Variants in POM121 observed in about 807,000 individuals in gnomAD.
POM121 encodes the protein POM121 transmembrane nucleoporin.
POM121 carries 32 observed loss-of-function variants against 81.3 expected under a neutral mutation model. The observed-to-expected ratio is 0.39, with a 90% CI of 0.30 to 0.53. The LOEUF (loss-of-function observed/expected upper bound fraction) is 0.53, where lower values mean the gene tolerates loss of function less well. POM121 is among the 20% of genes least tolerant of loss of function. The pLI is 0.66. For missense variants in POM121, 1,138 were observed against 1,614.6 expected, an observed-to-expected ratio of 0.70 and a Z score of 5.06; for synonymous variants, 514 against 694.2, an observed-to-expected ratio of 0.74 and a Z score of 4.08.
Position 72,946,195 on chromosome 7 carries a change from G to A in POM121, c.3711G>A (p.Gln1237=). The part of the protein sequence containing the change: ...GAGSKTPGAR[Q]RLQARRQHTR... The stretch of plus-strand genomic sequence containing the variant: ...GATCCAAGACCCCAGGGGCTCGACA[G>A]CGACTGCAGGCCCGAAGGCAGCACA... The change falls in exon 13 of 13, where the codon CAG becomes CAA. Residue 1237 remains glutamine, a synonymous_variant. Transcript: ENST00000434423. The A allele has an allele frequency of 6.2e-7, 1 of 1,611,798 alleles. No individual in the cohort carries two copies. The highest frequency in any genetic ancestry group is 1.1e-5 in the South Asian group (1 of 90,982).
intron 5 of POM121, among the ~76,000 whole-genome samples, chr7:72,934,743 T>C (rs1464612596): frequency 6.6e-6 from 1 of 152,240 alleles, no homozygotes; most frequent in African/African-American, 2.4e-5. Flanking sequence ...TGTTTTTTAC[T>C]GTAGAAATAC....
intron 5 of POM121, among the ~76,000 whole-genome samples, chr7:72,933,068 C>G (rs1554498866): frequency 6.8e-6 from 1 of 147,814 alleles, no homozygotes; most frequent in East Asian, 2.0e-4. Flanking sequence ...AAAAAAAAAG[C>G]CAGCCGAGCT....
chr7:72,895,656 A>G (rs1469580635), intron 3 of POM121, among the ~76,000 whole-genome samples: 3 of 152,162 alleles, frequency 2.0e-5, no homozygotes, highest in African/African-American at 7.2e-5. Flanking sequence ...GCAGTGGCTC[A>G]CACCTGTAAT....
At chr7:72,937,204 G>C (rs1426500929) in intron 5 of POM121, among the ~76,000 whole-genome samples, 1 of 151,166 alleles carries the variant, frequency 6.6e-6, no homozygotes, top group Non-Finnish European at 1.5e-5. Context: ...GCAGTGAGCT[G>C]AGATCGCGCC....
intron 5 of POM121, among the ~76,000 whole-genome samples, chr7:72,934,290 G>T (rs1368395252): frequency 6.6e-6 from 1 of 151,938 alleles, no homozygotes; most frequent in Non-Finnish European, 1.5e-5. Context: ...TCACCATGTT[G>T]GCTAGGATGG....
Position 72,898,979 on chromosome 7 carries a change from CTTTTTTTTTTTTTT to C in POM121, c.-216+7882_-216+7895del, listed in dbSNP as rs1176371162. Among the ~76,000 whole-genome samples, 302 of 34,150 alleles carry C rather than the reference CTTTTTTTTTTTTTT, an allele frequency of 8.8e-3. 3 individuals carry two copies. The highest frequency in any genetic ancestry group is 0.037 in the African/African-American group (283 of 7,596). The allele number at this position is 34,150 out of a possible 152,430, so 22.4% of individuals were successfully genotyped here. A position where few individuals can be genotyped will look rare whatever the true frequency, so the allele number is the denominator to read the frequency against. ...TCTGTGTTTCTTTTTCTTTTCTTTT[CTTTTTTTTTTTTTT>C]TTTTTTTTTTTTAGACAGAGTCTCT... On this transcript the variant is annotated intron_variant, in intron 3 of 15. Coordinates refer to the POM121 transcript ENST00000395270.
chr7:72,928,349 A>G (rs371298211), intron 3 of POM121, 36 bp from the exon 4 acceptor site: 14 of 1,613,330 alleles, frequency 8.7e-6, no homozygotes, highest in Non-Finnish European at 1.2e-5. Context: ...AAAAAAAGTC[A>G]TGTCATTTCA....
chr7:72,938,107 C>T (rs150548658), intron 5 of POM121, among the ~76,000 whole-genome samples: 1,535 of 152,296 alleles, frequency 0.01, 15 homozygotes, highest in African/African-American at 0.035. Context: ...TCCATCCCTT[C>T]TACCTTTATT....
At chr7:72,925,041 A>G (rs782675310), upstream of POM121, 26 of 1,341,994 alleles carry the variant, frequency 1.9e-5, no homozygotes, top group South Asian at 3.4e-4. Flanking sequence ...CGCGCGCATG[A>G]CGTAGAGGGC....
intron 3 of POM121, among the ~76,000 whole-genome samples, chr7:72,911,183 C>A (rs1793767419): frequency 6.6e-6 from 1 of 152,162 alleles, no homozygotes; most frequent in African/African-American, 2.4e-5. Context: ...GGAGTTTCAC[C>A]ATTTTGGCCA....
At chr7:72,895,906 C>CA (rs1247732055) in intron 3 of POM121, among the ~76,000 whole-genome samples, 24 of 148,258 alleles carry the variant, frequency 1.6e-4, no homozygotes, top group Non-Finnish European at 1.0e-4. Context: ...AAGACTGTCT[C>CA]AAAATGAATA....
intron 1 of POM121, among the ~76,000 whole-genome samples, chr7:72,881,168 G>T (rs1554489241): frequency 6.6e-6 from 1 of 151,214 alleles, no homozygotes; most frequent in East Asian, 1.9e-4. Context: ...AGGTTCAAAG[G>T]ATTCTTGTGC....
intron 3 of POM121, among the ~76,000 whole-genome samples, chr7:72,908,913 G>A (rs1169056271): frequency 2.0e-5 from 3 of 152,046 alleles, no homozygotes; most frequent in African/African-American, 4.8e-5. Flanking sequence ...TGCAGTTAAC[G>A]TAATCATCAC....
intron 3 of POM121, among the ~76,000 whole-genome samples, chr7:72,898,098 G>A (rs1469727316): frequency 2.0e-5 from 3 of 152,198 alleles, no homozygotes; most frequent in Non-Finnish European, 4.4e-5. Context: ...AGGAGTCAAG[G>A]ATGACTCCAG....
intron 3 of POM121, among the ~76,000 whole-genome samples, chr7:72,927,684 G>A (rs1184437201): frequency 4.6e-5 from 7 of 151,732 alleles, no homozygotes; most frequent in Non-Finnish European, 1.0e-4. Context: ...CTCCAGCCTG[G>A]GTGACAAAGC....
intron 4 of POM121, among the ~76,000 whole-genome samples, chr7:72,919,638 A>G (rs1233909032): frequency 1.3e-5 from 2 of 151,976 alleles, no homozygotes; most frequent in African/African-American, 4.8e-5. Flanking sequence ...GTGTGCCACT[A>G]TGCTTGGCTA....
At chr7:72,919,955 C>T (rs1447833254) in intron 4 of POM121, among the ~76,000 whole-genome samples, 1 of 152,090 alleles carries the variant, frequency 6.6e-6, no homozygotes, top group Non-Finnish European at 1.5e-5. Flanking sequence ...ACTGTTTTCC[C>T]AGCTGCCTTC....
In POM121 at chr7:72,928,435, C is replaced by T. The variant is rs1480829139; in HGVS notation, c.1073C>T (p.Ala358Val). 1 of 1,614,236 alleles carries T rather than the reference C, an allele frequency of 6.2e-7. No homozygotes were observed. Among genetic ancestry groups the T allele is most frequent in the Admixed American group, 1.7e-5 (1 of 60,028 alleles). Residue 358 changes from alanine (A) to valine (V), a missense_variant, in exon 4 of 13, where the codon GCC becomes GTC. Around this residue, in one of 7 missense-constraint regions of POM121, gnomAD observed 646 missense variants for 633.5 expected, o/e 1.02. Coordinates refer to ENST00000434423, the MANE Select transcript of POM121 (RefSeq NM_001387691.1). ...CATTCAGCATTTGAGCCCCTGGTGG[C>T]CAATGGAGTCCCCGCTTCTTTTGTG... is the stretch of plus-strand genomic sequence containing the variant. ...SGHSAFEPLV[A>V]NGVPASFVPK...
chr7:72,930,601 G>T (rs184498769), intron 5 of POM121, among the ~76,000 whole-genome samples: 3 of 152,218 alleles, frequency 2.0e-5, no homozygotes, highest in Admixed American at 2.0e-4. Flanking sequence ...AATTGAAAGC[G>T]GGGTTTTTAA....
Sources: allele counts gnomAD v4.1 joint callset (sites outside exome capture counted in the v4.1 genomes callset), GRCh38; gene constraint gnomAD v4.1.1; regional missense constraint gnomAD v4.1.1; transcripts MANE v1.5; gene names NCBI Gene and HGNC (gene_info 2026-07-23, HGNC 2026-07-21).